The following MAN2A2 variants were observed in gnomAD, a reference collection of about 807,000 sequenced individuals.
MAN2A2 encodes the protein mannosidase alpha class 2A member 2, also known as alpha-mannosidase 2x.
Under a neutral mutation model 126.8 loss-of-function variants are expected in MAN2A2, and 79 were observed. The ratio of observed to expected loss-of-function variants is 0.62; its 90% CI spans 0.52 to 0.75. The LOEUF (loss-of-function observed/expected upper bound fraction) is 0.75, where lower values mean the gene tolerates loss of function less well. MAN2A2 is among the 30% of genes least tolerant of loss of function. The probability of loss-of-function intolerance (pLI) is 0.00; values close to 1 mark genes in which losing one functional copy is unlikely to be tolerated. For missense variants in MAN2A2, 1,392 were observed against 1,522.4 expected (o/e 0.91, Z 1.43); for synonymous variants, 671 against 618.7 (o/e 1.08, Z -1.25).
chr15:90,904,748 C>T (rs940942835), intron 2 of MAN2A2, among the ~76,000 whole-genome samples: 20 of 152,140 alleles, frequency 1.3e-4, no homozygotes, highest in African/African-American at 4.6e-4. Context: ...TGCCACCATG[C>T]CCGACTAATT....
chr15:90,904,593 CT>C (rs35245127), intron 2 of MAN2A2, among the ~76,000 whole-genome samples: 36,286 of 143,042 alleles, frequency 0.25, 6,687 homozygotes, highest in African/African-American at 0.51. Flanking sequence ...TCTTTTCTTT[CT>C]TTTTTTTTTT....
chr15:90,908,895 C>G (rs1015411222), intron 8 of MAN2A2, among the ~76,000 whole-genome samples: 5 of 152,118 alleles, frequency 3.3e-5, no homozygotes, highest in Middle Eastern at 3.2e-3. Flanking sequence ...CATTTTAATT[C>G]TCATAACATT....
chr15:90,917,778 A>T, intron 20 of MAN2A2: 1 of 164,398 alleles, frequency 6.1e-6, no homozygotes, highest in South Asian at 1.7e-4. Context: ...GGCACTGTGG[A>T]TGTGGCATCG....
In MAN2A2 at chr15:90,907,435, G is replaced by A. The variant is rs771890334; in HGVS notation, c.1136G>A (p.Arg379His). 1.1e-5 allele frequency: 18 copies of A among 1,613,796 alleles called. No homozygotes were observed. In the East Asian group the frequency reaches 1.6e-4, roughly 14 times the overall value. Residue 379 changes from arginine (R) to histidine (H), a missense_variant, in exon 8 of 23, where the codon CGC becomes CAC. Arg to His is a conservative substitution (Grantham distance 29, BLOSUM62 0). Transcript: ENST00000559717. ...QFDFKRLPGG[R>H]INCPWKVPPR... ...GATTTCAAACGCCTGCCTGGTGGGC[G>A]CATCAACTGCCCTTGGAAGGTGCCA... is the stretch of plus-strand genomic sequence containing the variant.
chr15:90,906,461 C>T lies in MAN2A2; in HGVS notation c.799C>T (p.Leu267Phe). 6.2e-7 allele frequency: 1 copy of T among 1,614,166 alleles called. No homozygotes were observed. Among genetic ancestry groups the T allele is most frequent in the Non-Finnish European group, 8.5e-7 (1 of 1,180,006 alleles). ...NSHYFALIDQ[L>F]IEGHQWLERN... Reference sequence around the variant, plus strand: ...CCACTACTTTGCATTGATTGACCAGCTCATCGAAGGACACCAGTGGCTGGA... The same window carrying T: ...CCACTACTTTGCATTGATTGACCAGTTCATCGAAGGACACCAGTGGCTGGA... Residue 267 changes from leucine (L) to phenylalanine (F), a missense_variant, in exon 6 of 23, where the codon CTC (leucine) becomes TTC (phenylalanine). By Grantham distance (22) the Leu-to-Phe change is conservative (BLOSUM62 0). Coordinates refer to ENST00000559717, the MANE Select transcript of MAN2A2 (RefSeq NM_006122.4).
chr15:90,909,195 G>T lies in MAN2A2; in HGVS notation c.1197-132G>T. On this transcript the variant is annotated intron_variant, in intron 8 of 22. Transcript: ENST00000559717. ...TGGGGCTGGGATTCATGTGCAGGAG[G>T]TGTCTGTTTGCGCTGAACCACTCCT... 3 of 746,382 alleles carry T rather than the reference G, an allele frequency of 4.0e-6. No individual in the cohort carries two copies. In the South Asian group the frequency reaches 5.9e-5, roughly 15 times the overall value. The allele number at this position is 746,382 out of a possible 1,614,324, so 46.2% of individuals were successfully genotyped here.
In MAN2A2 at chr15:90,913,369, G is replaced by C. The variant is rs767089886; in HGVS notation, c.2681G>C (p.Ser894Thr). 6.2e-7 allele frequency: 1 copy of C among 1,602,884 alleles called. No homozygotes were observed. The highest frequency in any genetic ancestry group is 8.5e-7 in the Non-Finnish European group (1 of 1,169,800). ...CTGCACATCCATACAGACATCGACAGCCAGGGTATCTTCTTCACAGACCTC... is the reference window on the plus strand; with the variant it reads ...CTGCACATCCATACAGACATCGACACCCAGGGTATCTTCTTCACAGACCTC... ...LALHIHTDID[S>T]QGIFFTDLNG... Residue 894 changes from serine to threonine, a missense_variant, in exon 18 of 23, where the codon AGC (serine) becomes ACC (threonine). Physicochemically the swap from Ser to Thr is moderately conservative, Grantham distance 58. Coordinates refer to ENST00000559717, the MANE Select transcript of MAN2A2 (RefSeq NM_006122.4).
At chr15:90,904,739 G>T (rs372221027) in intron 2 of MAN2A2, among the ~76,000 whole-genome samples, 1 of 152,092 alleles carries the variant, frequency 6.6e-6, no homozygotes, top group African/African-American at 2.4e-5. Context: ...ACAGGAGCCT[G>T]CCACCATGCC....
chr15:90,911,678 T>A lies in MAN2A2; in HGVS notation c.2109+128T>A, dbSNP rs2034757040. 15 of 1,089,990 alleles carry A rather than the reference T, an allele frequency of 1.4e-5. No individual in the cohort carries two copies. The East Asian group carries it at 3.9e-4, about 28-fold the overall frequency. The allele number at this position is 1,089,990 out of a possible 1,614,324, so 67.5% of individuals were successfully genotyped here. On this transcript the variant is annotated intron_variant, in intron 14 of 22. Transcript: ENST00000559717. ...CTCTCCAGGCTGAGGACAAGTGTCC[T>A]GGGGAGGGGGTTGTCCAGAAGACAG...
chr15:90,904,419 C>G (rs2034088152), intron 2 of MAN2A2, 80 bp downstream of exon 2: 1 of 1,445,610 alleles, frequency 6.9e-7, no homozygotes, highest in South Asian at 1.4e-5. Flanking sequence ...CCGCCGCCTC[C>G]CCTCCCACCC....
rs147546891 is a variant in MAN2A2 at position 90,913,538 on chromosome 15, G to C, written c.2719-76G>C. The C allele has an allele frequency of 8.7e-4, 1,355 of 1,564,618 alleles. 27 individuals are homozygous for C. The East Asian group carries it at 0.027, about 31-fold the overall frequency. ...GAATGAGAGGCGAAGAGTTATCGGG[G>C]ACTCCTTCAGTCTGGGGACCGCTTG... On this transcript the variant is annotated intron_variant, in intron 18 of 22. Transcript: ENST00000559717.
rs780559878 is a variant in MAN2A2, at chr15:90,910,670, G to A, written c.1747G>A (p.Asp583Asn). The A allele has an allele frequency of 6.2e-7, 1 of 1,614,042 alleles. No individual in the cohort carries two copies. The highest frequency in any genetic ancestry group is 8.5e-7 in the Non-Finnish European group (1 of 1,180,024). Residue 583 changes from aspartate to asparagine, a missense_variant, in exon 11 of 23, where the codon GAC becomes AAC. Transcript: ENST00000559717. ...CACGGCCAAGGAGGCTGTGGTGGTG[G>A]ACTATGGGGTCAGGTGGGAGCCTTC... is the stretch of plus-strand genomic sequence containing the variant. ...TGTAKEAVVV[D>N]YGVRLLRSLV...
In MAN2A2 at chr15:90,913,633, T is replaced by C; in HGVS notation, c.2738T>C (p.Leu913Pro). 1 of 1,612,764 alleles carries C rather than the reference T, an allele frequency of 6.2e-7. No homozygotes were observed. The highest frequency in any genetic ancestry group is 8.5e-7 in the Non-Finnish European group (1 of 1,179,582). Reference protein sequence around the residue: ...NGFQVQPRRYLKKLPLQANFY... With the variant: ...NGFQVQPRRYPKKLPLQANFY... ...CCACAGGTGCAGCCCCGACGGTATC[T>C]GAAGAAGCTCCCCCTCCAGGCCAAC... Residue 913 changes from leucine to proline, a missense_variant, in exon 19 of 23, where the codon CTG becomes CCG. Coordinates refer to ENST00000559717, the MANE Select transcript of MAN2A2 (RefSeq NM_006122.4).
In MAN2A2 at chr15:90,919,640, C is replaced by T. The variant is rs140808357; in HGVS notation, c.3306C>T (p.Ala1102=). The change falls in exon 23 of 23, where the codon GCC becomes GCT. Residue 1102 remains alanine, a synonymous_variant. Transcript: ENST00000559717. ...FNCTTSQGKV[A]LGSLFHGLDV... ...CCCTTCTCTGCTCTCCACAGGTAGC[C>T]CTGGGCAGCCTTTTCCATGGCCTGG... The T allele has an allele frequency of 3.3e-5, 54 of 1,613,994 alleles. No homozygotes were observed. Among genetic ancestry groups the T allele is most frequent in the Non-Finnish European group, 4.1e-5 (48 of 1,180,002 alleles).
rs1038300960 is a variant in MAN2A2, at chr15:90,919,866, G to C, written c.*79G>C. On this transcript the variant is annotated 3_prime_UTR_variant, in exon 23 of 23. Coordinates refer to ENST00000559717, the MANE Select transcript of MAN2A2 (RefSeq NM_006122.4). ...GAAGATCATTGGACAAGCCACACGGGTATCCCATCCCGATCTGCCTCCCAG... is the reference window on the plus strand; with the variant it reads ...GAAGATCATTGGACAAGCCACACGGCTATCCCATCCCGATCTGCCTCCCAG... The C allele has an allele frequency of 1.3e-6, 2 of 1,529,144 alleles. No individual in the cohort carries two copies. Among genetic ancestry groups the C allele is most frequent in the Non-Finnish European group, 9.0e-7 (1 of 1,114,880 alleles). The allele number at this position is 1,529,144 out of a possible 1,614,324, so 94.7% of individuals were successfully genotyped here.
At chr15:90,912,449 A>G in intron 15 of MAN2A2, 93 bp from the exon 16 acceptor site, 1 of 1,594,020 alleles carries the variant, frequency 6.3e-7, no homozygotes, top group South Asian at 1.1e-5. Flanking sequence ...GAAGCAGGGC[A>G]CGGCTCCTTG....
chr15:90,904,400 C>T (rs996036092), intron 2 of MAN2A2, 61 bp downstream of exon 2: 10 of 1,562,606 alleles, frequency 6.4e-6, no homozygotes, highest in Non-Finnish European at 8.7e-6. Flanking sequence ...AGGGTATGCA[C>T]CTCCCACCCC....
intron 10 of MAN2A2, 61 bp downstream of exon 10, chr15:90,910,353 G>C (rs2034626886): frequency 6.2e-7 from 1 of 1,600,036 alleles, no homozygotes; most frequent in Non-Finnish European, 8.5e-7. Context: ...GGTTTAAGGA[G>C]GGGCTGGATT....
intron 12 of MAN2A2, 77 bp downstream of exon 12, chr15:90,911,038 C>T: frequency 1.4e-6 from 2 of 1,481,138 alleles, no homozygotes; most frequent in Non-Finnish European, 1.9e-6. Flanking sequence ...GATGGGGGTG[C>T]CGCTTCTCTT....
Sources: allele counts gnomAD v4.1 joint callset (sites outside exome capture counted in the v4.1 genomes callset), GRCh38; gene constraint gnomAD v4.1.1; transcripts MANE v1.5; gene names NCBI Gene and HGNC (gene_info 2026-07-23, HGNC 2026-07-21).